Variants in DPP6 observed in about 807,000 individuals in gnomAD.
DPP6 encodes the protein dipeptidyl peptidase like 6, also known as A-type potassium channel modulatory protein DPP6.
DPP6 carries 69 observed loss-of-function variants against 122.6 expected under a neutral mutation model. The ratio of observed to expected loss-of-function variants is 0.56; its 90% CI spans 0.46 to 0.69. The LOEUF (loss-of-function observed/expected upper bound fraction) is 0.69, where lower values mean the gene tolerates loss of function less well. Ranked by LOEUF, DPP6 falls within the 30% of genes least tolerant of loss-of-function variation. DPP6 has a pLI of 0.00. For synonymous variants in DPP6, 418 were observed against 433.1 expected (o/e 0.97, Z 0.43); for missense variants, 928 against 1,116.9 (o/e 0.83, Z 2.41).
At chr7:154,748,622 T>C (rs899196910) in intron 8 of DPP6, among the ~76,000 whole-genome samples, 2 of 152,262 alleles carry the variant, frequency 1.3e-5, no homozygotes, top group Non-Finnish European at 2.9e-5. Context: ...GGACGCTTCC[T>C]GAGCACCTCC....
At chr7:154,703,054 T>C (rs187098105) in intron 7 of DPP6, among the ~76,000 whole-genome samples, 83 of 152,310 alleles carry the variant, frequency 5.4e-4, no homozygotes, top group African/African-American at 1.9e-3. Context: ...CCGCCTATGC[T>C]CTGTAAATGC....
chr7:154,729,230 G>A (rs1242040446), intron 8 of DPP6, among the ~76,000 whole-genome samples: 3 of 152,150 alleles, frequency 2.0e-5, no homozygotes, highest in African/African-American at 7.2e-5. Flanking sequence ...GCCTGAAACC[G>A]TGTGGTCACA....
At chr7:154,324,237 T>C (rs893568899) in intron 1 of DPP6, among the ~76,000 whole-genome samples, 1 of 152,240 alleles carries the variant, frequency 6.6e-6, no homozygotes, top group Non-Finnish European at 1.5e-5. Context: ...GCAGGTTGCT[T>C]GGGGAGCTGA....
intron 7 of DPP6, among the ~76,000 whole-genome samples, chr7:154,690,412 C>T (rs1214886283): frequency 6.6e-6 from 1 of 152,084 alleles, no homozygotes; most frequent in African/African-American, 2.4e-5. Flanking sequence ...TCGAGGGCCT[C>T]ACTCAAGATC....
chr7:154,328,027 G>T (rs547198139), intron 1 of DPP6, among the ~76,000 whole-genome samples: 14 of 152,334 alleles, frequency 9.2e-5, no homozygotes, highest in African/African-American at 3.1e-4. Context: ...CCCTCTGGTG[G>T]AGGTGGTTGT....
intron 16 of DPP6, among the ~76,000 whole-genome samples, chr7:154,843,027 T>C (rs1169572541): frequency 6.6e-6 from 1 of 152,238 alleles, no homozygotes; most frequent in African/African-American, 2.4e-5. Flanking sequence ...AACACGCACA[T>C]AAGAGTGTGT....
chr7:154,136,080 G>A (rs139252123), intron 1 of DPP6, among the ~76,000 whole-genome samples: 60 of 152,304 alleles, frequency 3.9e-4, no homozygotes, highest in East Asian at 3.7e-3. Flanking sequence ...GGAAGGTGTT[G>A]CTTTCTGAGA....
Position 154,243,203 on chromosome 7 carries a change from A to G in DPP6, c.243+190140A>G, listed in dbSNP as rs189237574. ...CTAGAATCATGAAAACATTTTGTCT[A>G]TAGTATCCAGAATAAAATTTTTTTA... On this transcript the variant is annotated intron_variant, in intron 1 of 25. Transcript: ENST00000377770. Among the ~76,000 whole-genome samples the G allele has an allele frequency of 1.9e-3, 287 of 152,320 alleles. 2 individuals carry two copies. The highest frequency in any genetic ancestry group is 0.017 in the Middle Eastern group (5 of 294).
chr7:154,211,732 T>C (rs4302767), intron 1 of DPP6, among the ~76,000 whole-genome samples: 120,767 of 152,074 alleles, frequency 0.79, 48,177 homozygotes, highest in Middle Eastern at 0.84. Context: ...GTGGCCCTCG[T>C]GCAACTGCAG....
chr7:154,518,256 T>C (rs1826692270), intron 3 of DPP6, among the ~76,000 whole-genome samples: 1 of 152,222 alleles, frequency 6.6e-6, no homozygotes. Context: ...TTTCTTAAAT[T>C]AGAACCTTTG....
intron 25 of DPP6, chr7:154,890,350 C>T (rs933608299): frequency 2.0e-5 from 3 of 152,266 alleles, no homozygotes; most frequent in Non-Finnish European, 4.4e-5. Context: ...AGGGAGGGAC[C>T]ACCTGTGGGC....
intron 1 of DPP6, among the ~76,000 whole-genome samples, chr7:154,082,857 T>C (rs899234336): frequency 6.9e-6 from 1 of 144,552 alleles, no homozygotes; most frequent in Non-Finnish European, 1.5e-5. Flanking sequence ...TTTTTTTTTT[T>C]TTTTTTTTTG....
intron 1 of DPP6, among the ~76,000 whole-genome samples, chr7:154,031,321 G>C (rs2533799): frequency 0.26 from 35,679 of 135,580 alleles, 5,438 homozygotes; most frequent in African/African-American, 0.4. Flanking sequence ...GACCTCTTCT[G>C]TCATCTCAGA....
chr7:153,909,060 A>G (rs931015661), intron 1 of DPP6, among the ~76,000 whole-genome samples: 2 of 152,120 alleles, frequency 1.3e-5, no homozygotes, highest in Non-Finnish European at 2.9e-5. Context: ...CCCTAAATTT[A>G]CTTTAAAAGG....
chr7:153,946,630 C>G (rs992588167), intron 1 of DPP6, among the ~76,000 whole-genome samples: 30 of 152,046 alleles, frequency 2.0e-4, no homozygotes, highest in African/African-American at 6.3e-4. Flanking sequence ...GGAATGCAGC[C>G]CAGTAGGTCT....
At position 154,422,158 on chromosome 7, in the gene DPP6, C is replaced by G. The variant is rs561853740; in HGVS notation, c.244-24056C>G. Among the ~76,000 whole-genome samples the G allele has an allele frequency of 2.4e-4, 37 of 152,304 alleles. No homozygotes were observed. The South Asian group carries it at 7.5e-3, about 31-fold the overall frequency. On this transcript the variant is annotated intron_variant, in intron 1 of 25. Coordinates refer to ENST00000377770, the MANE Select transcript of DPP6 (RefSeq NM_130797.4). ...ATCTGTGGGAATAAATACCTGAATTCTCTCCTGACTTTTTGATCTCTTGGT... is the reference window on the plus strand; with the variant it reads ...ATCTGTGGGAATAAATACCTGAATTGTCTCCTGACTTTTTGATCTCTTGGT...
chr7:154,652,696 C>T (rs1836955210), intron 6 of DPP6, among the ~76,000 whole-genome samples: 2 of 152,066 alleles, frequency 1.3e-5, no homozygotes, highest in Non-Finnish European at 2.9e-5. Context: ...GAGCCTGAGG[C>T]GTCAGAGTGC....
intron 1 of DPP6, among the ~76,000 whole-genome samples, chr7:154,244,297 A>G (rs192810240): frequency 6.0e-4 from 92 of 152,308 alleles, no homozygotes; most frequent in African/African-American, 2.1e-3. Context: ...TAAAGCAAAA[A>G]TATCCTCTAC....
intron 1 of DPP6, among the ~76,000 whole-genome samples, chr7:154,248,693 C>T (rs918201428): frequency 6.6e-6 from 1 of 151,976 alleles, no homozygotes; most frequent in Admixed American, 6.6e-5. Context: ...TGGGGAAATC[C>T]CATCTCTACT....
Sources: gnomAD v4.1 joint callset for allele counts (sites outside exome capture counted in the v4.1 genomes callset) on GRCh38, gnomAD v4.1.1 for gene constraint, MANE v1.5 for transcripts, NCBI Gene and HGNC (gene_info 2026-07-23, HGNC 2026-07-21) for gene names.